Variants in PLCL2 observed in about 807,000 individuals in gnomAD.
PLCL2 encodes the protein inactive phospholipase C-like protein 2.
A neutral mutation model predicts 79.6 loss-of-function variants in PLCL2; 4 were observed. The observed-to-expected ratio is 0.05, with a 90% confidence interval of 0.02 to 0.11. The LOEUF (loss-of-function observed/expected upper bound fraction) is 0.11, where lower values mean the gene tolerates loss of function less well. Among genes scored for constraint, PLCL2 ranks in the 10% least tolerant of loss-of-function variants. PLCL2 has a pLI of 1.00. For missense variants in PLCL2, 895 were observed against 1,291.0 expected (o/e 0.69, Z 4.70); for synonymous variants, 484 against 457.7 (o/e 1.06, Z -0.73).
intron 5 of PLCL2, among the ~76,000 whole-genome samples, chr3:17,086,573 T>TG (rs1467986923): frequency 6.6e-6 from 1 of 152,202 alleles, no homozygotes; most frequent in Non-Finnish European, 1.5e-5. Flanking sequence ...AAAGGAAGAA[T>TG]GGGTAAGTTG....
Position 16,967,845 on chromosome 3 carries a change from T to C in PLCL2, c.328-41829T>C, listed in dbSNP as rs375842239. 5.9e-5 allele frequency among the ~76,000 whole-genome samples: 9 copies of C among 152,312 alleles called. 1 individual carries two copies. The highest frequency in any genetic ancestry group is 6.5e-5 in the Admixed American group (1 of 15,272). On this transcript the variant is annotated intron_variant, in intron 1 of 5. Transcript: ENST00000615277. ...ATCATGAAATTTTTGCCAAGACCTA[T>C]GTCTCAAATAGCATTTCTTACGTTA...
At chr3:17,077,969 CAG>C (rs1248835455) in intron 5 of PLCL2, among the ~76,000 whole-genome samples, 5 of 152,230 alleles carry the variant, frequency 3.3e-5, no homozygotes, top group Non-Finnish European at 7.3e-5. Context: ...TCTGTTCACT[CAG>C]AGTTTCTACT....
rs562758078 is a variant in PLCL2, at chr3:16,949,712, C to T, written c.328-59962C>T. On this transcript the variant is annotated intron_variant, in intron 1 of 5. Coordinates refer to ENST00000615277, the MANE Select transcript of PLCL2 (RefSeq NM_001144382.2). Reference sequence around the variant, plus strand: ...TCTCTGCTGTTGCCGTCTTGAAAGTCGTGCATTTTCATTTCTCACTGGGGC... The same window carrying T: ...TCTCTGCTGTTGCCGTCTTGAAAGTTGTGCATTTTCATTTCTCACTGGGGC... Among the ~76,000 whole-genome samples, 15 of 152,256 alleles carry T rather than the reference C, an allele frequency of 9.9e-5. No individual in the cohort carries two copies. In the South Asian group the frequency reaches 2.1e-3, roughly 21 times the overall value.
chr3:16,967,301 G>T (rs1243362418), intron 1 of PLCL2, among the ~76,000 whole-genome samples: 2 of 152,016 alleles, frequency 1.3e-5, no homozygotes, highest in African/African-American at 4.8e-5. Context: ...GATTGCTAGG[G>T]TGAATGTAAT....
intron 1 of PLCL2, among the ~76,000 whole-genome samples, chr3:16,927,907 T>C (rs950886314): frequency 3.3e-5 from 5 of 152,254 alleles, no homozygotes; most frequent in African/African-American, 1.2e-4. Flanking sequence ...CAATGTGATA[T>C]CTAAAGTGAA....
intron 1 of PLCL2, among the ~76,000 whole-genome samples, chr3:16,888,644 T>C (rs941205697): frequency 6.6e-6 from 1 of 152,230 alleles, no homozygotes; most frequent in Non-Finnish European, 1.5e-5. Flanking sequence ...ATATAATCTA[T>C]GCTTTATTTT....
chr3:16,996,944 CCT>C (rs1290642392), intron 1 of PLCL2, among the ~76,000 whole-genome samples: 1 of 152,164 alleles, frequency 6.6e-6, no homozygotes, highest in East Asian at 1.9e-4. Flanking sequence ...ATCCAAAAGA[CCT>C]CTTGTACTGA....
At chr3:16,916,507 T>A (rs1696998632) in intron 1 of PLCL2, among the ~76,000 whole-genome samples, 1 of 152,214 alleles carries the variant, frequency 6.6e-6, no homozygotes, top group Non-Finnish European at 1.5e-5. Flanking sequence ...GAGCTTGGCA[T>A]TTGAGTTCAA....
Position 17,051,435 on chromosome 3 carries a change from C to G in PLCL2, c.3094+8486C>G, listed in dbSNP as rs2064837545. Among the ~76,000 whole-genome samples, 5 of 151,864 alleles carry G rather than the reference C, an allele frequency of 3.3e-5. No homozygotes were observed. In the South Asian group the frequency reaches 1.0e-3, roughly 32 times the overall value. ...CCCATAAGTATATATACCTGCTATG[C>G]ACCTATAAAAATTTAAAATAAAAAT... On this transcript the variant is annotated intron_variant, in intron 4 of 5. Coordinates refer to ENST00000615277, the MANE Select transcript of PLCL2 (RefSeq NM_001144382.2).
chr3:17,089,312 G>A (rs1310631961), intron 5 of PLCL2, among the ~76,000 whole-genome samples: 1 of 152,110 alleles, frequency 6.6e-6, no homozygotes, highest in Non-Finnish European at 1.5e-5. Context: ...TTGGGAAAGG[G>A]TATACAAGAC....
chr3:17,024,713 T>C (rs1055529132), intron 3 of PLCL2, among the ~76,000 whole-genome samples: 6 of 152,340 alleles, frequency 3.9e-5, no homozygotes, highest in African/African-American at 1.2e-4. Context: ...AAATGAAGAC[T>C]AGCTGACCTA....
intron 3 of PLCL2, among the ~76,000 whole-genome samples, chr3:17,024,257 G>A (rs1313341014): frequency 2.0e-5 from 3 of 152,154 alleles, no homozygotes; most frequent in Non-Finnish European, 4.4e-5. Context: ...CCTTTGGTGT[G>A]TTGAGATTGA....
intron 2 of PLCL2, among the ~76,000 whole-genome samples, chr3:17,013,816 G>C (rs55894954): frequency 0.029 from 4,390 of 152,208 alleles, 238 homozygotes; most frequent in African/African-American, 0.1. Context: ...TACTCACGGT[G>C]ACTCAAAGCA....
intron 1 of PLCL2, among the ~76,000 whole-genome samples, chr3:16,974,659 T>TCCTG (rs2063905936): frequency 6.6e-6 from 1 of 152,218 alleles, no homozygotes; most frequent in South Asian, 2.1e-4. Flanking sequence ...ACATGATCTC[T>TCCTG]CCTGCCTGGG....
chr3:17,059,923 G>T (rs2064931992), intron 4 of PLCL2, among the ~76,000 whole-genome samples: 1 of 152,200 alleles, frequency 6.6e-6, no homozygotes, highest in African/African-American at 2.4e-5. Context: ...GGCCTTGTAT[G>T]TTATGGTAAT....
chr3:16,930,719 G>A (rs2014490), intron 1 of PLCL2, among the ~76,000 whole-genome samples: 52,275 of 151,888 alleles, frequency 0.34, 9,359 homozygotes, highest in East Asian at 0.55. Context: ...ATCTCAAGTC[G>A]CTTATTTTCT....
intron 3 of PLCL2, among the ~76,000 whole-genome samples, chr3:17,019,089 A>G (rs1418445748): frequency 6.6e-6 from 1 of 152,234 alleles, no homozygotes; most frequent in Non-Finnish European, 1.5e-5. Flanking sequence ...GGTTAGTTTC[A>G]GGTTCAGAGA....
At chr3:16,905,516 C>G (rs1696730514) in intron 1 of PLCL2, among the ~76,000 whole-genome samples, 2 of 151,972 alleles carry the variant, frequency 1.3e-5, no homozygotes, top group Admixed American at 1.3e-4. Context: ...GGAAAGCAGC[C>G]AGTTGATTTT....
At chr3:17,083,598 G>A (rs368346114) in intron 5 of PLCL2, among the ~76,000 whole-genome samples, 559 of 152,302 alleles carry the variant, frequency 3.7e-3, no homozygotes, top group South Asian at 0.011. Flanking sequence ...GGAGAAAGAA[G>A]ACCAGTCAGA....
Sources: gnomAD v4.1 joint callset for allele counts (sites outside exome capture counted in the v4.1 genomes callset) on GRCh38, gnomAD v4.1.1 for gene constraint, MANE v1.5 for transcripts, NCBI Gene and HGNC (gene_info 2026-07-23, HGNC 2026-07-21) for gene names.